SAMD5: variants seen among roughly 807,000 people sequenced by gnomAD.
The protein encoded by SAMD5 is sterile alpha motif domain containing 5.
A neutral mutation model predicts 11.3 loss-of-function variants in SAMD5; 13 were observed. That is an observed-to-expected ratio of 1.15 (90% CI 0.75 to 1.83). The LOEUF (loss-of-function observed/expected upper bound fraction) is 1.83, where lower values mean the gene tolerates loss of function less well. SAMD5 is among the 40% of genes most tolerant of loss of function. SAMD5 has a pLI of 0.00. For missense variants in SAMD5, 255 were observed against 239.1 expected (o/e 1.07, Z -0.44); for synonymous variants, 129 against 111.3 (o/e 1.16, Z -1.00).
chr6:147,936,202 C>T, the SAMD5 span, among the ~76,000 whole-genome samples: 1 of 152,166 alleles, frequency 6.6e-6, no homozygotes, highest in Admixed American at 6.5e-5. Flanking sequence ...GCCTGTTAAT[C>T]TCCCTGGTCT....
At chr6:147,933,847 G>A in the SAMD5 span, among the ~76,000 whole-genome samples, 5 of 152,312 alleles carry the variant, frequency 3.3e-5, no homozygotes, top group Non-Finnish European at 7.3e-5. Flanking sequence ...AGAGAAATGT[G>A]TCAAAAGGTA....
intron 1 of SAMD5, among the ~76,000 whole-genome samples, chr6:147,696,130 C>G (rs1791172502): frequency 6.6e-6 from 1 of 151,956 alleles, no homozygotes. Context: ...CTGAGGAACC[C>G]TACTTCTTCT....
chr6:147,635,005 C>T (rs1298983435), intron 1 of SAMD5, among the ~76,000 whole-genome samples: 1 of 152,194 alleles, frequency 6.6e-6, no homozygotes, highest in Non-Finnish European at 1.5e-5. Flanking sequence ...AATGGAGACA[C>T]CCACAGACCA....
the SAMD5 span, among the ~76,000 whole-genome samples, chr6:147,814,002 C>T: frequency 6.6e-6 from 1 of 152,184 alleles, no homozygotes; most frequent in African/African-American, 2.4e-5. Flanking sequence ...TTTGCTCCAT[C>T]GTTTTTCTTT....
At chr6:147,655,858 T>C (rs1790557350) in intron 1 of SAMD5, among the ~76,000 whole-genome samples, 1 of 152,124 alleles carries the variant, frequency 6.6e-6, no homozygotes, top group Non-Finnish European at 1.5e-5. Flanking sequence ...AAGAATGAAC[T>C]CAAGTGTAAA....
chr6:147,724,923 C>CA (rs138000383), intron 1 of SAMD5, among the ~76,000 whole-genome samples: 8,600 of 150,678 alleles, frequency 0.057, 707 homozygotes, highest in African/African-American at 0.19. Flanking sequence ...CTCAAAAAAA[C>CA]AAAAAAAAAC....
the SAMD5 span, among the ~76,000 whole-genome samples, chr6:147,899,612 C>T: frequency 6.6e-6 from 1 of 152,104 alleles, no homozygotes; most frequent in African/African-American, 2.4e-5. Flanking sequence ...TAGACCCTGC[C>T]GCTCCCTCTT....
rs1413222 is a variant in SAMD5 at position 147,558,302 on chromosome 6, G to A, written c.460-6092G>A. 9.2e-3 allele frequency among the ~76,000 whole-genome samples: 1,399 copies of A among 152,288 alleles called. 19 individuals carry two copies. The highest frequency in any genetic ancestry group is 0.031 in the African/African-American group (1,285 of 41,558). Reference sequence around the variant, plus strand: ...GCCTGATGAGAGCCAGGCAACAGAAGTGTTGTATCCAAAGACCCACCATAT... The same window carrying A: ...GCCTGATGAGAGCCAGGCAACAGAAATGTTGTATCCAAAGACCCACCATAT... On this transcript the variant is annotated intron_variant, in intron 1 of 1. Coordinates refer to ENST00000367474, the MANE Select transcript of SAMD5 (RefSeq NM_001030060.3).
the SAMD5 span, among the ~76,000 whole-genome samples, chr6:147,846,316 G>A: frequency 6.6e-6 from 1 of 152,112 alleles, no homozygotes; most frequent in African/African-American, 2.4e-5. Context: ...ATGACACAAA[G>A]CCATGTATTT....
intron 1 of SAMD5, among the ~76,000 whole-genome samples, chr6:147,550,243 A>C (rs1346059113): frequency 6.6e-6 from 1 of 152,132 alleles, no homozygotes; most frequent in Non-Finnish European, 1.5e-5. Context: ...TGTCTCTCTT[A>C]AAACAAAAAG....
At chr6:147,651,848 G>A (rs1004663065) in intron 1 of SAMD5, among the ~76,000 whole-genome samples, 8 of 152,194 alleles carry the variant, frequency 5.3e-5, no homozygotes, top group Non-Finnish European at 8.8e-5. Context: ...TTTACCAACT[G>A]TGTCATTTTT....
chr6:147,709,086 C>T (rs553034151), intron 1 of SAMD5, among the ~76,000 whole-genome samples: 9 of 152,150 alleles, frequency 5.9e-5, no homozygotes, highest in African/African-American at 2.2e-4. Flanking sequence ...GCTTTACATG[C>T]CAAGTTACCC....
chr6:147,729,878 A>C (rs1481639101), intron 1 of SAMD5: 1 of 454,410 alleles, frequency 2.2e-6, no homozygotes, highest in Non-Finnish European at 4.4e-6. Context: ...TGAGGTCAGG[A>C]GTTCAAGACC....
the SAMD5 span, among the ~76,000 whole-genome samples, chr6:147,769,298 C>T: frequency 6.6e-6 from 1 of 152,244 alleles, no homozygotes; most frequent in Non-Finnish European, 1.5e-5. Context: ...GAGAGTGAAG[C>T]TCCATTATTT....
chr6:147,858,671 T>G, the SAMD5 span, among the ~76,000 whole-genome samples: 8 of 152,210 alleles, frequency 5.3e-5, no homozygotes, highest in African/African-American at 1.9e-4. Flanking sequence ...GCTCACTCAT[T>G]AAATCGCCCC....
intron 1 of SAMD5, among the ~76,000 whole-genome samples, chr6:147,557,741 G>A (rs1788880903): frequency 6.6e-6 from 1 of 152,228 alleles, no homozygotes; most frequent in Admixed American, 6.5e-5. Flanking sequence ...AATTTTGTGA[G>A]GGGGGACACT....
At chr6:147,947,685 A>C in the SAMD5 span, among the ~76,000 whole-genome samples, 2 of 152,128 alleles carry the variant, frequency 1.3e-5, no homozygotes, top group African/African-American at 2.4e-5. Context: ...CTTTTTTCTG[A>C]GAGCTTACTT....
At chr6:147,884,289 G>A in the SAMD5 span, among the ~76,000 whole-genome samples, 1 of 152,172 alleles carries the variant, frequency 6.6e-6, no homozygotes, top group Non-Finnish European at 1.5e-5. Context: ...GGAGATTGAT[G>A]AGCGTGTAAT....
the SAMD5 span, among the ~76,000 whole-genome samples, chr6:147,840,910 C>T: frequency 9.5e-3 from 1,439 of 152,240 alleles, 26 homozygotes; most frequent in African/African-American, 0.033. Flanking sequence ...ACCAGGGATT[C>T]GAGCATGGAG....
Sources: gnomAD v4.1 joint callset for allele counts (sites outside exome capture counted in the v4.1 genomes callset) on GRCh38, gnomAD v4.1.1 for gene constraint, MANE v1.5 for transcripts, NCBI Gene and HGNC (gene_info 2026-07-23, HGNC 2026-07-21) for gene names.